RAD51B: variants seen among roughly 807,000 people sequenced by gnomAD.
The protein encoded by RAD51B is DNA repair protein RAD51 homolog 2.
RAD51B carries 38 observed loss-of-function variants against 42.2 expected under a neutral mutation model. The observed-to-expected ratio is 0.90, with a 90% CI of 0.70 to 1.18. The LOEUF (loss-of-function observed/expected upper bound fraction) is 1.18. Ranked by LOEUF, RAD51B falls within the 50% of genes most tolerant of loss-of-function variation. RAD51B has a pLI of 0.00. For synonymous variants in RAD51B, 154 were observed against 145.2 expected (o/e 1.06, Z -0.43); for missense variants, 373 against 400.7 (o/e 0.93, Z 0.59).
intron 7 of RAD51B, among the ~76,000 whole-genome samples, chr14:68,249,682 T>C (rs1173569735): frequency 2.0e-5 from 3 of 152,214 alleles, no homozygotes; most frequent in Non-Finnish European, 2.9e-5. Context: ...TTTTAGTGTT[T>C]AGCTGGAGGT....
intron 7 of RAD51B, among the ~76,000 whole-genome samples, chr14:67,915,802 G>A (rs1297163583): frequency 6.6e-6 from 1 of 152,168 alleles, no homozygotes; most frequent in Middle Eastern, 3.2e-3. Flanking sequence ...TTCTAAGCCT[G>A]CCATTACAAA....
rs1566909362 is a variant in RAD51B at position 67,825,448 on chromosome 14, CTT to C, written c.85-14_85-13del. 1.9e-6 allele frequency: 3 copies of C among 1,554,950 alleles called. No homozygotes were observed. The highest frequency in any genetic ancestry group is 1.1e-5 in the South Asian group (1 of 87,988). ...TACACATATATGTTTAAAATACTCT[CTT>C]TATGTTTCTTTAGGACTTTTTATGT... On this transcript the variant is annotated splice_polypyrimidine_tract_variant and intron_variant, in intron 2 of 10. Coordinates refer to ENST00000471583, the MANE Select transcript of RAD51B (RefSeq NM_133510.4).
intron 9 of RAD51B, among the ~76,000 whole-genome samples, chr14:68,416,263 C>T (rs4902579): frequency 0.31 from 46,552 of 151,966 alleles, 7,684 homozygotes; most frequent in South Asian, 0.5. Context: ...TTTATATTTT[C>T]GAAGACTCAA....
intron 7 of RAD51B, among the ~76,000 whole-genome samples, chr14:68,102,086 G>T (rs2077300372): frequency 6.6e-6 from 1 of 152,184 alleles, no homozygotes. Context: ...TTTTAACCAT[G>T]GCTGGAACGA....
chr14:67,846,328 C>G (rs538259676), intron 4 of RAD51B, among the ~76,000 whole-genome samples: 2 of 152,114 alleles, frequency 1.3e-5, no homozygotes, highest in Non-Finnish European at 1.5e-5. Context: ...GGTTGCTGTC[C>G]TCCGTATGCG....
Position 67,863,765 on chromosome 14 carries a change from C to G in RAD51B, c.316-1238C>G, listed in dbSNP as rs897843694. ...TAGCATGTGTTTAAAGGAGATATTT[C>G]TAAACATTTTCAAATTAATTTTGTT... On this transcript the variant is annotated intron_variant, in intron 4 of 10. Coordinates refer to ENST00000471583, the MANE Select transcript of RAD51B (RefSeq NM_133510.4). 2.6e-5 allele frequency among the ~76,000 whole-genome samples: 4 copies of G among 152,084 alleles called. No homozygotes were observed. The East Asian group carries it at 5.8e-4, about 22-fold the overall frequency.
At chr14:68,251,877 C>T (rs997366576) in intron 7 of RAD51B, among the ~76,000 whole-genome samples, 4 of 152,154 alleles carry the variant, frequency 2.6e-5, no homozygotes, top group African/African-American at 7.2e-5. Context: ...CACCAGTGTC[C>T]GTTATGACTG....
At chr14:68,337,049 T>C (rs1183516183) in intron 8 of RAD51B, among the ~76,000 whole-genome samples, 2 of 152,226 alleles carry the variant, frequency 1.3e-5, no homozygotes, top group Non-Finnish European at 2.9e-5. Context: ...GTGATTTCAT[T>C]TGTAGTTTAC....
intron 7 of RAD51B, among the ~76,000 whole-genome samples, chr14:68,039,857 C>T (rs2076191807): frequency 6.6e-6 from 1 of 152,238 alleles, no homozygotes; most frequent in Middle Eastern, 3.2e-3. Context: ...TAGTTATCCA[C>T]ATCCATCTCT....
intron 7 of RAD51B, among the ~76,000 whole-genome samples, chr14:67,891,595 G>A (rs1039207543): frequency 2.6e-5 from 4 of 152,006 alleles, no homozygotes; most frequent in South Asian, 4.1e-4. Context: ...TTTGAGACAA[G>A]CACAAATTTT....
chr14:67,852,200 C>T (rs573021441), intron 4 of RAD51B, among the ~76,000 whole-genome samples: 19 of 152,302 alleles, frequency 1.2e-4, no homozygotes, highest in South Asian at 4.1e-4. Context: ...GTGGAGTGGG[C>T]GTGCTGGGGG....
intron 7 of RAD51B, among the ~76,000 whole-genome samples, chr14:68,145,921 A>G (rs1217246226): frequency 6.6e-6 from 1 of 152,208 alleles, no homozygotes. Flanking sequence ...TTACATTTTT[A>G]GAAACTTTGG....
intron 7 of RAD51B, among the ~76,000 whole-genome samples, chr14:68,169,563 A>G (rs1319848116): frequency 6.6e-6 from 1 of 152,180 alleles, no homozygotes; most frequent in Non-Finnish European, 1.5e-5. Context: ...TAACATATAC[A>G]TTTAGAAAAG....
At chr14:67,942,249 T>A (rs574617525) in intron 7 of RAD51B, among the ~76,000 whole-genome samples, 1 of 152,322 alleles carries the variant, frequency 6.6e-6, no homozygotes, top group East Asian at 1.9e-4. Context: ...AGGAGCTGCT[T>A]CTCTTTGCTG....
chr14:68,413,413 A>C (rs1277817953), intron 9 of RAD51B, among the ~76,000 whole-genome samples: 1 of 152,354 alleles, frequency 6.6e-6, no homozygotes, highest in Non-Finnish European at 1.5e-5. Flanking sequence ...TACAAAAGAC[A>C]ACTTGTTACT....
At chr14:68,658,090 G>T (rs941758601) in intron 11 of RAD51B, among the ~76,000 whole-genome samples, 7 of 152,176 alleles carry the variant, frequency 4.6e-5, no homozygotes, top group African/African-American at 1.7e-4. Context: ...GCCAAGAAGC[G>T]CATCGCCACT....
intron 7 of RAD51B, among the ~76,000 whole-genome samples, chr14:68,137,816 C>A (rs1023290171): frequency 1.3e-5 from 2 of 152,190 alleles, no homozygotes; most frequent in African/African-American, 4.8e-5. Flanking sequence ...GGGCCTTCTT[C>A]GTTGCCCTGA....
At chr14:67,906,092 G>T (rs566001529) in intron 7 of RAD51B, among the ~76,000 whole-genome samples, 40 of 152,178 alleles carry the variant, frequency 2.6e-4, no homozygotes, top group Middle Eastern at 3.4e-3. Flanking sequence ...TTTATTGAGG[G>T]TTTTTAGCAC....
At chr14:68,150,791 T>C (rs1417996689) in intron 7 of RAD51B, among the ~76,000 whole-genome samples, 1 of 152,176 alleles carries the variant, frequency 6.6e-6, no homozygotes, top group Non-Finnish European at 1.5e-5. Flanking sequence ...TATCTTTAAC[T>C]TATCACAGTC....
Sources: allele counts gnomAD v4.1 joint callset (sites outside exome capture counted in the v4.1 genomes callset), GRCh38; gene constraint gnomAD v4.1.1; transcripts MANE v1.5; gene names NCBI Gene and HGNC (gene_info 2026-07-23, HGNC 2026-07-21).